The following HMCN1 variants were observed in gnomAD, a reference collection of about 807,000 sequenced individuals.
HMCN1 encodes hemicentin-1.
A neutral mutation model predicts 625.9 loss-of-function variants in HMCN1; 321 were observed. The observed-to-expected ratio is 0.51, with a 90% confidence interval of 0.47 to 0.56. HMCN1 has a LOEUF of 0.56. Ranked by LOEUF, HMCN1 falls within the 20% of genes least tolerant of loss-of-function variation. The pLI is 0.00. For synonymous variants in HMCN1, 2,425 were observed against 2,417.6 expected (o/e 1.00, Z -0.09); for missense variants, 6,588 against 6,887.3 (o/e 0.96, Z 1.54).
intron 52 of HMCN1, among the ~76,000 whole-genome samples, chr1:186,071,313 A>C (rs1002371876): frequency 1.3e-5 from 2 of 152,196 alleles, no homozygotes; most frequent in Non-Finnish European, 2.9e-5. Flanking sequence ...AAAGCTAAAA[A>C]AGATGATGAA....
chr1:186,156,132 A>AG (rs1651004191), intron 97 of HMCN1, among the ~76,000 whole-genome samples: 1 of 152,114 alleles, frequency 6.6e-6, no homozygotes, highest in Non-Finnish European at 1.5e-5. Flanking sequence ...TTTTAAAATT[A>AG]ATTATAAAGT....
intron 1 of HMCN1, among the ~76,000 whole-genome samples, chr1:185,800,664 A>T (rs1350182342): frequency 6.6e-6 from 1 of 152,182 alleles, no homozygotes; most frequent in African/African-American, 2.4e-5. Context: ...TTTGCAAGTG[A>T]ATTAGATCTT....
chr1:185,957,027 T>G (rs557430762), intron 11 of HMCN1: 45 of 152,350 alleles, frequency 3.0e-4, no homozygotes, highest in Admixed American at 2.5e-3. Context: ...TGAATAAACC[T>G]CAGTGTAACA....
At chr1:186,001,867 ATT>A in intron 28 of HMCN1, 126 bp downstream of exon 28, 1 of 814,978 alleles carries the variant, frequency 1.2e-6, no homozygotes, top group Non-Finnish European at 2.0e-6. Context: ...TCATTCTATT[ATT>A]TTTGTCCTTA....
rs1206410575 is a variant in HMCN1 at position 186,019,381 on chromosome 1, A to T, written c.5471-160A>T. On this transcript the variant is annotated intron_variant, in intron 34 of 106. Coordinates refer to ENST00000271588, the MANE Select transcript of HMCN1 (RefSeq NM_031935.3). ...AACTAATCTATAAACTTGCTAAAAA[A>T]TTATAAATTAAATGCACATGATGAA... Among the ~76,000 whole-genome samples, 6 of 152,212 alleles carry T rather than the reference A, an allele frequency of 3.9e-5. No individual in the cohort carries two copies. The South Asian group carries it at 1.2e-3, about 32-fold the overall frequency.
intron 1 of HMCN1, among the ~76,000 whole-genome samples, chr1:185,803,307 C>T (rs1571375225): frequency 6.8e-6 from 1 of 147,604 alleles, no homozygotes; most frequent in East Asian, 2.0e-4. Flanking sequence ...CTTACTTTAA[C>T]CTTAATAAAC....
intron 4 of HMCN1, among the ~76,000 whole-genome samples, chr1:185,896,563 A>T (rs1298798390): frequency 6.6e-6 from 1 of 152,228 alleles, no homozygotes; most frequent in Admixed American, 6.5e-5. Context: ...AAACATTTTA[A>T]TACAAAATTT....
At chr1:186,175,595 T>C (rs529976277) in intron 103 of HMCN1, among the ~76,000 whole-genome samples, 1 of 152,332 alleles carries the variant, frequency 6.6e-6, no homozygotes, top group East Asian at 1.9e-4. Context: ...TTTAACATCT[T>C]GATCAGCCAT....
chr1:185,809,375 T>TAC (rs934930737), intron 1 of HMCN1, among the ~76,000 whole-genome samples: 2 of 151,682 alleles, frequency 1.3e-5, no homozygotes, highest in African/African-American at 4.8e-5. Flanking sequence ...TGAATTTGAA[T>TAC]ACACACACAC....
At chr1:186,026,004 GT>G (rs1157710573) in intron 36 of HMCN1, among the ~76,000 whole-genome samples, 1 of 152,228 alleles carries the variant, frequency 6.6e-6, no homozygotes, top group Admixed American at 6.5e-5. Flanking sequence ...GATACTAATT[GT>G]GATCAGCCTG....
intron 14 of HMCN1, 34 bp downstream of exon 14, chr1:185,965,949 CT>C: frequency 8.2e-7 from 1 of 1,214,414 alleles, no homozygotes; most frequent in Non-Finnish European, 1.2e-6. Context: ...GTCTGGTTCA[CT>C]TAGTTTTGTT....
intron 5 of HMCN1, among the ~76,000 whole-genome samples, chr1:185,911,096 A>G (rs1666390658): frequency 6.6e-6 from 1 of 152,102 alleles, no homozygotes. Flanking sequence ...CCTGTGCTTC[A>G]TGGGAAACCG....
Position 186,095,464 on chromosome 1 carries a change from T to G in HMCN1, c.10516T>G (p.Cys3506Gly). ...AETEDSGKYT[C>G]IASNEAGEVS... Reference sequence around the variant, plus strand: ...GACTGAAGATTCGGGAAAGTACACCTGCATTGCCTCAAATGAAGCTGGAGA... The same window carrying G: ...GACTGAAGATTCGGGAAAGTACACCGGCATTGCCTCAAATGAAGCTGGAGA... The change falls in exon 68 of 107, where the codon TGC becomes GGC. Residue 3506 changes from cysteine (C) to glycine (G), a missense_variant. This residue lies in a region of HMCN1 where 4,628 missense variants were observed against 4,853.1 expected (regional missense o/e 0.95). Coordinates refer to ENST00000271588, the MANE Select transcript of HMCN1 (RefSeq NM_031935.3). 1.2e-6 allele frequency: 2 copies of G among 1,613,702 alleles called. No homozygotes were observed. The highest frequency in any genetic ancestry group is 1.7e-6 in the Non-Finnish European group (2 of 1,179,748).
chr1:185,998,395 C>T (rs1271882736), intron 25 of HMCN1, among the ~76,000 whole-genome samples: 2 of 152,116 alleles, frequency 1.3e-5, no homozygotes, highest in Non-Finnish European at 2.9e-5. Flanking sequence ...GCCATGATTA[C>T]TTTATTTTCT....
chr1:185,963,987 A>G (rs1483705921), intron 13 of HMCN1, 92 bp downstream of exon 13: 20 of 1,000,826 alleles, frequency 2.0e-5, no homozygotes, highest in South Asian at 1.7e-4. Flanking sequence ...AATATTAGTA[A>G]TGCATACATG....
At chr1:186,044,896 A>T (rs1046382989) in intron 40 of HMCN1, among the ~76,000 whole-genome samples, 4 of 152,124 alleles carry the variant, frequency 2.6e-5, no homozygotes, top group African/African-American at 7.2e-5. Context: ...ATGATTGTTT[A>T]CTCTATTCTT....
intron 100 of HMCN1, among the ~76,000 whole-genome samples, chr1:186,167,719 T>C (rs532475522): frequency 1.3e-5 from 2 of 152,334 alleles, no homozygotes; most frequent in East Asian, 3.9e-4. Context: ...CAGAATGTCA[T>C]ATAGTTGGAA....
At chr1:185,973,908 G>A (rs1253598523) in intron 15 of HMCN1, among the ~76,000 whole-genome samples, 2 of 152,060 alleles carry the variant, frequency 1.3e-5, no homozygotes, top group Non-Finnish European at 2.9e-5. Flanking sequence ...AAAACAATGT[G>A]TCCAGTCATT....
chr1:186,001,661 C>T lies in HMCN1; in HGVS notation c.4268C>T (p.Pro1423Leu), dbSNP rs1653209811. The change falls in exon 28 of 107, where the codon CCA (proline) becomes CTA (leucine). Residue 1423 changes from proline (P) to leucine (L), a missense_variant. Pro to Leu is a moderately conservative substitution (Grantham distance 98, BLOSUM62 -3). Transcript: ENST00000271588. ...ATACTGAAGCTCTTCAGAGCCACTC[C>T]AGAGGATGCAGGAAGATATTCCTGC... ...GKILKLFRAT[P>L]EDAGRYSCKA... 3.1e-6 allele frequency: 5 copies of T among 1,612,574 alleles called. No homozygotes were observed. Among genetic ancestry groups the T allele is most frequent in the Admixed American group, 1.7e-5 (1 of 59,896 alleles).
Sources: allele counts gnomAD v4.1 joint callset (sites outside exome capture counted in the v4.1 genomes callset), GRCh38; gene constraint gnomAD v4.1.1; regional missense constraint gnomAD v4.1.1; transcripts MANE v1.5; gene names NCBI Gene and HGNC (gene_info 2026-07-23, HGNC 2026-07-21).